The following PCCA variants were observed in gnomAD, a reference collection of about 807,000 sequenced individuals.
The protein encoded by PCCA is propionyl-CoA carboxylase subunit alpha.
A neutral mutation model predicts 101.3 loss-of-function variants in PCCA; 74 were observed. The observed-to-expected ratio is 0.73, with a 90% CI of 0.61 to 0.89. The LOEUF is 0.89. Among genes scored for constraint, PCCA ranks in the 40% least tolerant of loss-of-function variants. PCCA has a pLI of 0.00. For synonymous variants in PCCA, 294 were observed against 313.6 expected, an observed-to-expected ratio of 0.94 and a Z score of 0.66; for missense variants, 891 against 907.0, an observed-to-expected ratio of 0.98 and a Z score of 0.23.
At chr13:100,368,184 ATACT>A (rs2075334537) in intron 18 of PCCA, among the ~76,000 whole-genome samples, 1 of 152,170 alleles carries the variant, frequency 6.6e-6, no homozygotes, top group Admixed American at 6.5e-5. Flanking sequence ...AAGGCATGGC[ATACT>A]TACTTATTTC....
chr13:100,122,406 A>G (rs1594213085), intron 4 of PCCA, among the ~76,000 whole-genome samples: 1 of 152,130 alleles, frequency 6.6e-6, no homozygotes. Flanking sequence ...AAGAATTGGT[A>G]TTAACTTTTC....
chr13:100,223,127 T>G (rs892883860), intron 7 of PCCA, among the ~76,000 whole-genome samples: 5 of 151,632 alleles, frequency 3.3e-5, no homozygotes, highest in Non-Finnish European at 7.4e-5. Context: ...GGCATGCACA[T>G]TAAGATATTG....
chr13:100,119,015 C>A (rs994498621), intron 4 of PCCA, among the ~76,000 whole-genome samples: 1 of 151,392 alleles, frequency 6.6e-6, no homozygotes, highest in Non-Finnish European at 1.5e-5. Flanking sequence ...GTTTTTGAAT[C>A]CTTGTGAATA....
chr13:100,090,053 C>T (rs2046136178), intron 1 of PCCA, among the ~76,000 whole-genome samples: 1 of 152,114 alleles, frequency 6.6e-6, no homozygotes, highest in Admixed American at 6.6e-5. Flanking sequence ...AATGAAGGTC[C>T]CCTGAAAACC....
chr13:100,202,535 T>C (rs2058591192), intron 6 of PCCA, among the ~76,000 whole-genome samples: 1 of 151,754 alleles, frequency 6.6e-6, no homozygotes. Context: ...GCTAGAATTT[T>C]TCTTGGTATG....
chr13:100,233,024 A>G (rs554674736), intron 7 of PCCA, among the ~76,000 whole-genome samples: 2 of 152,282 alleles, frequency 1.3e-5, no homozygotes, highest in South Asian at 2.1e-4. Context: ...GGCTTACTAA[A>G]TTGTTTTTCA....
intron 18 of PCCA, among the ~76,000 whole-genome samples, chr13:100,347,436 C>G (rs2072447488): frequency 6.6e-6 from 1 of 152,034 alleles, no homozygotes; most frequent in Non-Finnish European, 1.5e-5. Flanking sequence ...CTCTTTTTTT[C>G]TTGTGAAAAC....
chr13:100,138,637 T>C (rs1385883092), intron 4 of PCCA, among the ~76,000 whole-genome samples: 1 of 152,108 alleles, frequency 6.6e-6, no homozygotes, highest in Non-Finnish European at 1.5e-5. Flanking sequence ...AGTTTTCCTT[T>C]ATTTGAAAAT....
intron 6 of PCCA, among the ~76,000 whole-genome samples, chr13:100,162,382 C>G (rs17196562): frequency 0.041 from 6,170 of 149,616 alleles, 184 homozygotes; most frequent in Non-Finnish European, 0.064. Flanking sequence ...TAAATAAATG[C>G]CTTGTCCAGT....
intron 21 of PCCA, among the ~76,000 whole-genome samples, chr13:100,483,376 C>T (rs944535975): frequency 6.6e-6 from 1 of 152,226 alleles, no homozygotes; most frequent in African/African-American, 2.4e-5. Flanking sequence ...CCGGCGCTGT[C>T]CTTTTCTCCT....
chr13:100,190,084 C>T (rs1239763180), intron 6 of PCCA, among the ~76,000 whole-genome samples: 1 of 152,120 alleles, frequency 6.6e-6, no homozygotes, highest in African/African-American at 2.4e-5. Flanking sequence ...ATCTAGCCTC[C>T]TCTTATAATA....
At chr13:100,209,553 G>C in intron 7 of PCCA, 90 bp downstream of exon 7, 1 of 1,011,768 alleles carries the variant, frequency 9.9e-7, no homozygotes, top group Non-Finnish European at 1.5e-6. Context: ...TTGCTTTTTT[G>C]GGATATACAC....
intron 12 of PCCA, among the ~76,000 whole-genome samples, chr13:100,286,426 C>T (rs1398740232): frequency 1.3e-5 from 2 of 152,132 alleles, no homozygotes; most frequent in Admixed American, 6.5e-5. Flanking sequence ...AAGAGAATGA[C>T]GGGGTGAGTG....
chr13:100,529,958 G>A (rs2088267108), intron 23 of PCCA, 140 bp from the exon 24 acceptor site: 6 of 211,662 alleles, frequency 2.8e-5, no homozygotes, highest in Middle Eastern at 8.2e-4. Context: ...GATGGGCTCC[G>A]GTGGGGTGGG....
intron 7 of PCCA, among the ~76,000 whole-genome samples, chr13:100,211,971 G>A (rs2059244069): frequency 6.6e-6 from 1 of 152,016 alleles, no homozygotes; most frequent in Admixed American, 6.6e-5. Flanking sequence ...AAATTCCTGG[G>A]CTCAAGCAGT....
chr13:100,130,189 T>C (rs2050363685), intron 4 of PCCA, among the ~76,000 whole-genome samples: 1 of 152,230 alleles, frequency 6.6e-6, no homozygotes, highest in South Asian at 2.1e-4. Flanking sequence ...ACTTAGCAAG[T>C]CGAGGCATTG....
chr13:100,277,240 T>C (rs1181992150), intron 12 of PCCA, among the ~76,000 whole-genome samples: 1 of 152,202 alleles, frequency 6.6e-6, no homozygotes, highest in African/African-American at 2.4e-5. Context: ...ATCAAGGTTC[T>C]TTGATAAACT....
At chr13:100,294,800 C>T (rs114481230) in intron 12 of PCCA, among the ~76,000 whole-genome samples, 2,129 of 152,284 alleles carry the variant, frequency 0.014, 46 homozygotes, top group African/African-American at 0.049. Context: ...AAACAGGCAA[C>T]TGACAATGTC....
At chr13:100,490,493 G>A (rs191433153) in intron 21 of PCCA, 7 of 152,288 alleles carry the variant, frequency 4.6e-5, no homozygotes, top group African/African-American at 9.6e-5. Context: ...CTGTTCACAC[G>A]GCTTAGATGA....
Sources: allele counts gnomAD v4.1 joint callset (sites outside exome capture counted in the v4.1 genomes callset), GRCh38; gene constraint gnomAD v4.1.1; transcripts MANE v1.5; gene names NCBI Gene and HGNC (gene_info 2026-07-23, HGNC 2026-07-21).